GRIP1: variants seen among roughly 807,000 people sequenced by gnomAD.
GRIP1 encodes the protein glutamate receptor interacting protein 1.
A neutral mutation model predicts 129.9 loss-of-function variants in GRIP1; 45 were observed. The ratio of observed to expected loss-of-function variants is 0.35; its 90% CI spans 0.27 to 0.44. The LOEUF (loss-of-function observed/expected upper bound fraction) is 0.44. Ranked by LOEUF, GRIP1 falls within the 20% of genes least tolerant of loss-of-function variation. The probability of loss-of-function intolerance (pLI) is 1.00; values close to 1 mark genes in which losing one functional copy is unlikely to be tolerated. For synonymous variants in GRIP1, 530 were observed against 520.8 expected (o/e 1.02, Z -0.24); for missense variants, 1,196 against 1,396.8 (o/e 0.86, Z 2.29).
At chr12:66,425,379 T>C (rs2057947130) in intron 14 of GRIP1, among the ~76,000 whole-genome samples, 1 of 152,192 alleles carries the variant, frequency 6.6e-6, no homozygotes, top group Non-Finnish European at 1.5e-5. Context: ...TTGGTGGGAC[T>C]GTAAAGTAGT....
chr12:66,812,857 C>G (rs982207740), intron 1 of GRIP1, among the ~76,000 whole-genome samples: 4 of 152,226 alleles, frequency 2.6e-5, no homozygotes, highest in African/African-American at 7.2e-5. Context: ...ATAATTTAAA[C>G]AGTATGTTTC....
chr12:66,748,277 A>G (rs566640103), intron 1 of GRIP1, among the ~76,000 whole-genome samples: 1 of 152,304 alleles, frequency 6.6e-6, no homozygotes, highest in Admixed American at 6.5e-5. Context: ...TTGGTCTCCC[A>G]AAGTGCTGGG....
chr12:66,908,605 AGTTT>A (rs1485280309), intron 1 of GRIP1, among the ~76,000 whole-genome samples: 1 of 152,140 alleles, frequency 6.6e-6, no homozygotes, highest in East Asian at 1.9e-4. Flanking sequence ...TCTTGCACAG[AGTTT>A]GTTTATGAGG....
At chr12:66,362,964 T>C (rs2054866369) in intron 23 of GRIP1, among the ~76,000 whole-genome samples, 1 of 151,480 alleles carries the variant, frequency 6.6e-6, no homozygotes, top group African/African-American at 2.4e-5. Context: ...TGCAAATCAT[T>C]TCTCCCCTCA....
At position 66,741,352 on chromosome 12, in the gene GRIP1, T is replaced by C. The variant is rs538074097; in HGVS notation, c.-420+62701A>G. On this transcript the variant is annotated intron_variant, in intron 1 of 4. Transcript: ENST00000538373. The stretch of plus-strand genomic sequence containing the variant: ...TCTTTACTCATCTCCACCTCCTACA[T>C]TAAAAATAAACTTTCCAAAACAGAT... Among the ~76,000 whole-genome samples, 36 of 152,260 alleles carry C rather than the reference T, an allele frequency of 2.4e-4. No individual in the cohort carries two copies. The East Asian group carries it at 5.8e-3, about 25-fold the overall frequency.
At chr12:67,023,055 A>G (rs2042891322) in intron 1 of GRIP1, among the ~76,000 whole-genome samples, 2 of 152,160 alleles carry the variant, frequency 1.3e-5, no homozygotes, top group Admixed American at 1.3e-4. Flanking sequence ...ATCTAGATAC[A>G]GGATCAGATA....
rs77002933 is a variant in GRIP1 at position 66,371,107 on chromosome 12, C to T, written c.3012+587G>A. On this transcript the variant is annotated intron_variant, in intron 23 of 24. Transcript: ENST00000359742. The stretch of plus-strand genomic sequence containing the variant: ...AATAATAAACTAATTATGCAAGCTC[C>T]GTGTGACATTGGAGCCTCAAATTTT... Among the ~76,000 whole-genome samples, 947 of 151,654 alleles carry T rather than the reference C, an allele frequency of 6.2e-3. 17 individuals carry two copies. The highest frequency in any genetic ancestry group is 0.022 in the African/African-American group (914 of 41,268).
chr12:66,938,893 G>C (rs1022907363), intron 1 of GRIP1, among the ~76,000 whole-genome samples: 1 of 152,160 alleles, frequency 6.6e-6, no homozygotes, highest in Admixed American at 6.5e-5. Flanking sequence ...GGAGGTGGAG[G>C]TTGCAGTAAG....
intron 1 of GRIP1, among the ~76,000 whole-genome samples, chr12:66,783,618 A>G (rs1441666202): frequency 6.6e-6 from 1 of 152,178 alleles, no homozygotes; most frequent in East Asian, 1.9e-4. Flanking sequence ...ACATTTGATA[A>G]GCAGGGTTAA....
At chr12:67,045,749 A>G (rs932562661) in intron 1 of GRIP1, among the ~76,000 whole-genome samples, 1 of 152,192 alleles carries the variant, frequency 6.6e-6, no homozygotes. Context: ...CCACCCTGGA[A>G]GCTGGGCCAG....
intron 1 of GRIP1, among the ~76,000 whole-genome samples, chr12:67,020,038 C>A (rs1342902544): frequency 1.3e-5 from 2 of 152,094 alleles, no homozygotes; most frequent in Non-Finnish European, 2.9e-5. Context: ...AAAATATGAA[C>A]CCCTCTAGAA....
chr12:66,773,043 A>G (rs2037869388), intron 1 of GRIP1, among the ~76,000 whole-genome samples: 1 of 152,190 alleles, frequency 6.6e-6, no homozygotes, highest in East Asian at 1.9e-4. Context: ...CAAGAGGAGG[A>G]AGAATTCTGC....
At chr12:66,650,314 A>G (rs745572781) in intron 1 of GRIP1, among the ~76,000 whole-genome samples, 4 of 152,214 alleles carry the variant, frequency 2.6e-5, no homozygotes, top group Admixed American at 6.5e-5. Context: ...AAGAAGCACC[A>G]TGACAGATTT....
At chr12:66,789,367 C>G (rs962748021) in intron 1 of GRIP1, among the ~76,000 whole-genome samples, 4 of 152,128 alleles carry the variant, frequency 2.6e-5, no homozygotes, top group African/African-American at 9.7e-5. Context: ...TTGTGTGACA[C>G]TGGATAAGCC....
chr12:66,830,353 T>A (rs1485403449), intron 1 of GRIP1, among the ~76,000 whole-genome samples: 1 of 151,996 alleles, frequency 6.6e-6, no homozygotes, highest in East Asian at 1.9e-4. Flanking sequence ...TCACAAAAGT[T>A]TACATGAGGG....
intron 1 of GRIP1, among the ~76,000 whole-genome samples, chr12:66,632,780 A>G (rs1324239780): frequency 6.6e-6 from 1 of 152,194 alleles, no homozygotes; most frequent in Non-Finnish European, 1.5e-5. Context: ...TCATACTGGA[A>G]TCCAAGTTTT....
At chr12:66,729,618 G>A (rs1380406317) in intron 1 of GRIP1, among the ~76,000 whole-genome samples, 1 of 152,102 alleles carries the variant, frequency 6.6e-6, no homozygotes, top group Non-Finnish European at 1.5e-5. Context: ...CTGTTGCCCA[G>A]GCTGGAGTGC....
intron 1 of GRIP1, among the ~76,000 whole-genome samples, chr12:66,893,623 G>C (rs2040698088): frequency 6.6e-6 from 1 of 152,034 alleles, no homozygotes; most frequent in African/African-American, 2.4e-5. Flanking sequence ...AAGACATTTG[G>C]GGTTATTTCT....
At chr12:66,842,896 T>A (rs2039746744) in intron 1 of GRIP1, among the ~76,000 whole-genome samples, 1 of 152,106 alleles carries the variant, frequency 6.6e-6, no homozygotes, top group Non-Finnish European at 1.5e-5. Context: ...CTGCTTACGT[T>A]TTTAGGATCA....
Sources: allele counts gnomAD v4.1 joint callset (sites outside exome capture counted in the v4.1 genomes callset), GRCh38; gene constraint gnomAD v4.1.1; transcripts MANE v1.5; gene names NCBI Gene and HGNC (gene_info 2026-07-23, HGNC 2026-07-21).